Variants in ACOT7 observed in about 807,000 individuals in gnomAD.
The protein encoded by ACOT7 is acyl-CoA thioesterase 7.
A neutral mutation model predicts 40.2 loss-of-function variants in ACOT7; 12 were observed. That is an observed-to-expected ratio of 0.30 (90% CI 0.19 to 0.48). ACOT7 has a LOEUF of 0.48. Ranked by LOEUF, ACOT7 falls within the 20% of genes least tolerant of loss-of-function variation. The pLI, the probability that ACOT7 is intolerant of heterozygous loss-of-function variation, is 0.99. For missense variants in ACOT7, 395 were observed against 530.8 expected (o/e 0.74, Z 2.51); for synonymous variants, 228 against 219.5 (o/e 1.04, Z -0.34).
chr1:6,299,397 T>A lies in ACOT7; in HGVS notation c.713-4417A>T, dbSNP rs1639900731. On this transcript the variant is annotated intron_variant, in intron 6 of 8. Coordinates refer to ENST00000361521, the MANE Select transcript of ACOT7 (RefSeq NM_007274.4). This position sits in a 1 kb window ranked among gnomAD's most constrained non-coding sequence, Gnocchi z 4.1. ...AAATGAAATAACTCAGAACACCAGG[T>A]AACATGCTGGCTGAGAACCCCACAC... 6.6e-6 allele frequency among the ~76,000 whole-genome samples: 1 copy of A among 152,144 alleles called. No individual in the cohort carries two copies.
At chr1:6,279,151 G>C (rs1363968112) in intron 8 of ACOT7, among the ~76,000 whole-genome samples, 1 of 152,222 alleles carries the variant, frequency 6.6e-6, no homozygotes, top group African/African-American at 2.4e-5. Context: ...GAGAAGGCGT[G>C]TCCAAGGTGA....
intron 6 of ACOT7, among the ~76,000 whole-genome samples, chr1:6,300,469 C>T (rs982979463): frequency 3.3e-5 from 5 of 152,074 alleles, no homozygotes; most frequent in Non-Finnish European, 5.9e-5. Context: ...CTCCCCTCTC[C>T]ACAAACACGG....
chr1:6,302,266 G>A (rs1419992820), intron 6 of ACOT7, among the ~76,000 whole-genome samples: 1 of 152,132 alleles, frequency 6.6e-6, no homozygotes, highest in South Asian at 2.1e-4. Flanking sequence ...TCATCTGGAA[G>A]GATCTTTGTC....
intron 1 of ACOT7, among the ~76,000 whole-genome samples, chr1:6,391,383 G>C (rs1000064984): frequency 6.6e-6 from 1 of 152,088 alleles, no homozygotes; most frequent in Non-Finnish European, 1.5e-5. Context: ...GCGCACTCTT[G>C]TAGTCCCAGC....
chr1:6,293,625 C>T (rs1639731944), intron 7 of ACOT7, among the ~76,000 whole-genome samples: 2 of 152,156 alleles, frequency 1.3e-5, no homozygotes, highest in East Asian at 1.9e-4. Flanking sequence ...CACTTGAGCA[C>T]GGAAGTGCAA....
intron 1 of ACOT7, among the ~76,000 whole-genome samples, chr1:6,387,240 G>C (rs919584090): frequency 1.3e-5 from 2 of 152,100 alleles, no homozygotes; most frequent in African/African-American, 4.8e-5. Flanking sequence ...CCACTACTCA[G>C]TGTGCACACT....
At chr1:6,328,300 C>T (rs1377223000) in intron 4 of ACOT7, among the ~76,000 whole-genome samples, 5 of 152,108 alleles carry the variant, frequency 3.3e-5, no homozygotes, top group African/African-American at 4.8e-5. Flanking sequence ...TGGAACTGTC[C>T]TCCCACGGCT....
intron 6 of ACOT7, among the ~76,000 whole-genome samples, chr1:6,316,945 T>C (rs1228341676): frequency 6.6e-6 from 1 of 152,204 alleles, no homozygotes; most frequent in Non-Finnish European, 1.5e-5. Context: ...ATCCAATCCC[T>C]GCTCCTGAGG....
At chr1:6,276,864 C>T (rs559621901) in intron 8 of ACOT7, among the ~76,000 whole-genome samples, 4 of 152,256 alleles carry the variant, frequency 2.6e-5, no homozygotes, top group South Asian at 4.1e-4. Context: ...GAAATAACAG[C>T]GTAGATCAAC....
At chr1:6,378,414 G>T (rs919143895) in intron 1 of ACOT7, among the ~76,000 whole-genome samples, 1 of 151,998 alleles carries the variant, frequency 6.6e-6, no homozygotes, top group Non-Finnish European at 1.5e-5. Context: ...ATGGGGGCAG[G>T]TACCGTTGGG....
rs1252852325 is a variant in ACOT7 at position 6,393,728 on chromosome 1, G to A, written c.-329C>T. The A allele has an allele frequency of 5.3e-6, 1 of 187,132 alleles. No homozygotes were observed. The highest frequency in any genetic ancestry group is 1.1e-5 in the Non-Finnish European group (1 of 91,390). The allele number at this position is 187,132 out of a possible 1,614,324, so 11.6% of individuals were successfully genotyped here. A position where few individuals can be genotyped will look rare whatever the true frequency, so the allele number is the denominator to read the frequency against. The stretch of plus-strand genomic sequence containing the variant: ...GCGGCCTAAGTGGCGGAGCAGGGCG[G>A]ACTTGGGCCCTCACTCTCCGCGCGG... On this transcript the variant is annotated 5_prime_UTR_variant, in exon 1 of 9. Coordinates refer to ENST00000361521, the MANE Select transcript of ACOT7 (RefSeq NM_007274.4).
chr1:6,297,853 C>T (rs1218663030), intron 6 of ACOT7, among the ~76,000 whole-genome samples: 2 of 151,776 alleles, frequency 1.3e-5, no homozygotes, highest in East Asian at 3.9e-4. Flanking sequence ...TGCTGGGAGA[C>T]GAATACCCAG....
chr1:6,350,507 A>G (rs990123204), intron 1 of ACOT7, among the ~76,000 whole-genome samples: 1 of 152,214 alleles, frequency 6.6e-6, no homozygotes, highest in Non-Finnish European at 1.5e-5. Flanking sequence ...AAGAGGAACA[A>G]CTTCATCCTT....
At position 6,345,970 on chromosome 1, in the gene ACOT7, C is replaced by G. The variant is rs563848651; in HGVS notation, c.261+3779G>C. Among the ~76,000 whole-genome samples, 5 of 152,370 alleles carry G rather than the reference C, an allele frequency of 3.3e-5. No individual in the cohort carries two copies. The East Asian group carries it at 7.7e-4, about 23-fold the overall frequency. On this transcript the variant is annotated intron_variant, in intron 2 of 8. Coordinates refer to ENST00000361521, the MANE Select transcript of ACOT7 (RefSeq NM_007274.4). ...TGCCTAAGCACGCTCTATGCTCAGT[C>G]TGGAGAAACCAAGGGCAGAAGTCCT... is the stretch of plus-strand genomic sequence containing the variant.
chr1:6,338,483 G>A lies in ACOT7; in HGVS notation c.418+950C>T, dbSNP rs1001144080. On this transcript the variant is annotated intron_variant, in intron 3 of 8. Transcript: ENST00000361521. This position sits in a 1 kb window ranked among gnomAD's most constrained non-coding sequence, Gnocchi z 4.4. ...TGAGGGAGCAGCAGGCAATGGGAAC[G>A]CAGACCACCTTCCACCCCAGGCCCT... Among the ~76,000 whole-genome samples the A allele has an allele frequency of 2.6e-5, 4 of 152,222 alleles. No individual in the cohort carries two copies. The highest frequency in any genetic ancestry group is 1.9e-4 in the East Asian group (1 of 5,196).
intron 1 of ACOT7, among the ~76,000 whole-genome samples, chr1:6,372,588 T>C (rs1157762578): frequency 2.0e-5 from 3 of 149,508 alleles, no homozygotes; most frequent in Non-Finnish European, 4.4e-5. Flanking sequence ...TCTCGCTCTG[T>C]CGCCCAGGTT....
intron 1 of ACOT7, among the ~76,000 whole-genome samples, chr1:6,391,034 G>A (rs1642524507): frequency 6.6e-6 from 1 of 151,934 alleles, no homozygotes; most frequent in Non-Finnish European, 1.5e-5. Flanking sequence ...AGTGGCTCAC[G>A]CCTGTAATCC....
intron 7 of ACOT7, among the ~76,000 whole-genome samples, chr1:6,281,613 G>A (rs371187725): frequency 5.3e-5 from 8 of 152,204 alleles, no homozygotes; most frequent in East Asian, 1.9e-4. Flanking sequence ...GTGCCCCCAC[G>A]GGGGAGGCCG....
At chr1:6,382,233 G>A (rs539552461) in intron 1 of ACOT7, among the ~76,000 whole-genome samples, 11 of 150,854 alleles carry the variant, frequency 7.3e-5, no homozygotes, top group African/African-American at 2.4e-4. Context: ...GGGAAACCCC[G>A]TCTCTACTAA....
Sources: allele counts gnomAD v4.1 joint callset (sites outside exome capture counted in the v4.1 genomes callset), GRCh38; gene constraint gnomAD v4.1.1; non-coding constraint Gnocchi (gnomAD v3.1); transcripts MANE v1.5; gene names NCBI Gene and HGNC (gene_info 2026-07-23, HGNC 2026-07-21).